Variants in LRRC52 observed in about 807,000 individuals in gnomAD.
The protein encoded by LRRC52 is leucine rich repeat containing 52, also known as leucine-rich repeat-containing protein 52.
A neutral mutation model predicts 14.7 loss-of-function variants in LRRC52; 15 were observed. That is an observed-to-expected ratio of 1.02 (90% CI 0.68 to 1.58). The LOEUF (loss-of-function observed/expected upper bound fraction) is 1.58, where lower values mean the gene tolerates loss of function less well. Among genes scored for constraint, LRRC52 ranks in the 40% most tolerant of loss-of-function variants. The probability of loss-of-function intolerance (pLI) is 0.00; values close to 1 mark genes in which losing one functional copy is unlikely to be tolerated. For missense variants in LRRC52, 400 were observed against 387.7 expected (o/e 1.03, Z -0.27); for synonymous variants, 180 against 163.9 (o/e 1.10, Z -0.75).
rs777318265 is a variant in LRRC52, at chr1:165,544,878, C to T, written c.582C>T (p.Asp194=). The stretch of plus-strand genomic sequence containing the variant: ...GGAAGTGCAACTGCTCTTTCCTGGA[C>T]TTCGCCATCTTCTTAATAGTGTTCC... The part of the protein sequence containing the change: ...NPWKCNCSFL[D]FAIFLIVFHM... Residue 194 remains aspartate (D), a synonymous_variant, in exon 1 of 2, where the codon GAC becomes GAT. Transcript: ENST00000294818. 6.2e-7 allele frequency: 1 copy of T among 1,614,104 alleles called. No homozygotes were observed. Among genetic ancestry groups the T allele is most frequent in the East Asian group, 2.2e-5 (1 of 44,886 alleles).
chr1:165,559,838 G>T (rs1196765600), intron 1 of LRRC52, among the ~76,000 whole-genome samples: 1 of 152,160 alleles, frequency 6.6e-6, no homozygotes, highest in African/African-American at 2.4e-5. Flanking sequence ...ATTTAAGAAA[G>T]ATTTATACAA....
chr1:165,561,381 C>T lies in LRRC52; in HGVS notation c.623-2124C>T, dbSNP rs1024349590. On this transcript the variant is annotated intron_variant, in intron 1 of 1. Coordinates refer to ENST00000294818, the MANE Select transcript of LRRC52 (RefSeq NM_001005214.4). ...TCAAATACATCTTTCTTTGAAGATT[C>T]ATGTGTCTCCCACAGTTTGGGCAGG... is the stretch of plus-strand genomic sequence containing the variant. Among the ~76,000 whole-genome samples the T allele has an allele frequency of 4.6e-5, 7 of 152,328 alleles. No individual in the cohort carries two copies. In the South Asian group the frequency reaches 1.5e-3, roughly 32 times the overall value.
In LRRC52 at chr1:165,544,208, T is replaced by TCCCCCCCCCCCCCCCCCCC; in HGVS notation, c.-84_-83insCCCCCCCCCCCCCCCCCCC. On this transcript the variant is annotated 5_prime_UTR_variant, in exon 1 of 2. Coordinates refer to ENST00000294818, the MANE Select transcript of LRRC52 (RefSeq NM_001005214.4). ...GTGTTACAGTTCTTTCCAGAGCCCC[T>TCCCCCCCCCCCCCCCCCCC]CCCCCGCCCCACCCCCCCACCGGCA... 7 of 448,092 alleles carry TCCCCCCCCCCCCCCCCCCC rather than the reference T, an allele frequency of 1.6e-5. No individual in the cohort carries two copies. Among genetic ancestry groups the TCCCCCCCCCCCCCCCCCCC allele is most frequent in the Non-Finnish European group, 2.5e-5 (6 of 235,714 alleles). The allele number at this position is 448,092 out of a possible 1,614,324, so 27.8% of individuals were successfully genotyped here. A position where few individuals can be genotyped will look rare whatever the true frequency, so the allele number is the denominator to read the frequency against.
chr1:165,546,102 A>T (rs1210325049), intron 1 of LRRC52, among the ~76,000 whole-genome samples: 1 of 152,050 alleles, frequency 6.6e-6, no homozygotes, highest in East Asian at 1.9e-4. Flanking sequence ...TAAGTAAAAA[A>T]CGTGCCCTCC....
chr1:165,561,806 T>A (rs1661350238), intron 1 of LRRC52, among the ~76,000 whole-genome samples: 1 of 152,254 alleles, frequency 6.6e-6, no homozygotes, highest in Non-Finnish European at 1.5e-5. Context: ...ATGACTTTGC[T>A]GTAGGTGCAT....
At chr1:165,552,546 G>A (rs1427879633) in intron 1 of LRRC52, among the ~76,000 whole-genome samples, 1 of 152,178 alleles carries the variant, frequency 6.6e-6, no homozygotes, top group African/African-American at 2.4e-5. Flanking sequence ...AGGCGTTCAA[G>A]CCAGACAGTA....
At position 165,563,365 on chromosome 1, in the gene LRRC52, C is replaced by T. The variant is rs544334811; in HGVS notation, c.623-140C>T. The T allele has an allele frequency of 1.4e-4, 95 of 686,464 alleles. No homozygotes were observed. The Middle Eastern group carries it at 2.0e-3, about 15-fold the overall frequency. The allele number at this position is 686,464 out of a possible 1,614,324, so 42.5% of individuals were successfully genotyped here. The stretch of plus-strand genomic sequence containing the variant: ...GAGATTCTGCATTTCTAACAAGGTC[C>T]AGGTGATGTCGATGCTGCTGGCCCA... On this transcript the variant is annotated intron_variant, in intron 1 of 1. Transcript: ENST00000294818.
At chr1:165,546,897 C>T (rs1403012919) in intron 1 of LRRC52, among the ~76,000 whole-genome samples, 1 of 152,184 alleles carries the variant, frequency 6.6e-6, no homozygotes, top group Non-Finnish European at 1.5e-5. Context: ...AAAGGAGTGT[C>T]TATCTTGTCA....
chr1:165,551,749 C>T (rs937982735), intron 1 of LRRC52, among the ~76,000 whole-genome samples: 8 of 152,092 alleles, frequency 5.3e-5, no homozygotes, highest in Admixed American at 2.6e-4. Flanking sequence ...ATTTTGAGGG[C>T]GTTTTGAGCA....
chr1:165,545,417 G>A (rs746195661), intron 1 of LRRC52, among the ~76,000 whole-genome samples: 32 of 152,112 alleles, frequency 2.1e-4, no homozygotes, highest in Non-Finnish European at 3.7e-4. Flanking sequence ...ATATAGAAAG[G>A]AAAGTTTAAC....
chr1:165,556,388 G>GT (rs1416478032), intron 1 of LRRC52, among the ~76,000 whole-genome samples: 1 of 25,388 alleles, frequency 3.9e-5, no homozygotes, highest in Non-Finnish European at 1.9e-4. Flanking sequence ...CTATATACAA[G>GT]GGGGGGAAAT....
In LRRC52 at chr1:165,544,482, G is replaced by A; in HGVS notation, c.186G>A (p.Glu62=). 6.2e-7 allele frequency: 1 copy of A among 1,614,126 alleles called. No individual in the cohort carries two copies. Among genetic ancestry groups the A allele is most frequent in the Middle Eastern group, 1.6e-4 (1 of 6,062 alleles). Reference sequence around the variant, plus strand: ...ACACCCGGAGGCTGTTCCTGAACGAGAACAGAATCACTAGTTTGCCAGCAA... The same window carrying A: ...ACACCCGGAGGCTGTTCCTGAACGAAAACAGAATCACTAGTTTGCCAGCAA... ...PLNTRRLFLN[E]NRITSLPAMH... is the part of the protein sequence containing the mutation. Residue 62 remains glutamate, a synonymous_variant, in exon 1 of 2, where the codon GAG becomes GAA. Transcript: ENST00000294818.
At position 165,559,160 on chromosome 1, in the gene LRRC52, A is replaced by T. The variant is rs554234087; in HGVS notation, c.623-4345A>T. 3.3e-5 allele frequency among the ~76,000 whole-genome samples: 5 copies of T among 152,328 alleles called. No individual in the cohort carries two copies. The East Asian group carries it at 9.6e-4, about 29-fold the overall frequency. ...TCCCAGCACTTTGGGAGGCAAAGGC[A>T]GGAGGATCACCTGAGGTCAGGAGTC... On this transcript the variant is annotated intron_variant, in intron 1 of 1. Coordinates refer to ENST00000294818, the MANE Select transcript of LRRC52 (RefSeq NM_001005214.4).
intron 1 of LRRC52, among the ~76,000 whole-genome samples, chr1:165,554,824 A>G (rs1661200907): frequency 6.6e-6 from 1 of 152,256 alleles, no homozygotes; most frequent in Non-Finnish European, 1.5e-5. Context: ...ATTAAAACAT[A>G]GTTAAGATGG....
At chr1:165,549,955 AT>A (rs5778458) in intron 1 of LRRC52, among the ~76,000 whole-genome samples, 146,829 of 152,276 alleles carry the variant, frequency 0.96, 71,011 homozygotes, top group East Asian at 1. Context: ...TAATGTAGTC[AT>A]TTTTTTAAAC....
rs1660958758 is a variant in LRRC52 at position 165,544,084 on chromosome 1, G to A, written c.-213G>A. The A allele has an allele frequency of 9.8e-6, 6 of 614,176 alleles. No individual in the cohort carries two copies. The South Asian group carries it at 1.1e-4, about 11-fold the overall frequency. The allele number at this position is 614,176 out of a possible 1,614,324, so 38.0% of individuals were successfully genotyped here. A position where few individuals can be genotyped will look rare whatever the true frequency, so the allele number is the denominator to read the frequency against. The stretch of plus-strand genomic sequence containing the variant: ...GCTTCCAGCAGCAGTCTGGGAGCGA[G>A]CGACAGAGCCACCAAGCTGGGCGGC... On this transcript the variant is annotated 5_prime_UTR_variant, in exon 1 of 2. Coordinates refer to ENST00000294818, the MANE Select transcript of LRRC52 (RefSeq NM_001005214.4).
At chr1:165,559,990 C>T (rs1661310423) in intron 1 of LRRC52, among the ~76,000 whole-genome samples, 1 of 152,208 alleles carries the variant, frequency 6.6e-6, no homozygotes, top group Non-Finnish European at 1.5e-5. Flanking sequence ...CACATACTCA[C>T]ACATACTTAG....
intron 1 of LRRC52, among the ~76,000 whole-genome samples, chr1:165,548,300 A>T (rs1458944649): frequency 2.0e-5 from 3 of 152,226 alleles, no homozygotes; most frequent in Non-Finnish European, 4.4e-5. Context: ...CTTCCATGCT[A>T]CAATTCAGTT....
chr1:165,560,511 T>C (rs1661318821), intron 1 of LRRC52, among the ~76,000 whole-genome samples: 1 of 152,172 alleles, frequency 6.6e-6, no homozygotes, highest in Non-Finnish European at 1.5e-5. Context: ...ACATTGTAAA[T>C]AACCATCATG....
Sources: allele counts gnomAD v4.1 joint callset (sites outside exome capture counted in the v4.1 genomes callset), GRCh38; gene constraint gnomAD v4.1.1; transcripts MANE v1.5; gene names NCBI Gene and HGNC (gene_info 2026-07-23, HGNC 2026-07-21).